Variants in EBF1 observed in about 807,000 individuals in gnomAD.
The protein encoded by EBF1 is EBF transcription factor 1.
A neutral mutation model predicts 68.4 loss-of-function variants in EBF1; 10 were observed. That is an observed-to-expected ratio of 0.15 (90% CI 0.09 to 0.25). EBF1 has a LOEUF of 0.25. Among genes scored for constraint, EBF1 ranks in the 10% least tolerant of loss-of-function variants. EBF1 has a pLI of 1.00. For synonymous variants in EBF1, 298 were observed against 299.8 expected, an observed-to-expected ratio of 0.99 and a Z score of 0.06; for missense variants, 509 against 794.4, an observed-to-expected ratio of 0.64 and a Z score of 4.32.
intron 10 of EBF1, among the ~76,000 whole-genome samples, chr5:158,776,367 C>A (rs1775251575): frequency 6.6e-6 from 1 of 151,956 alleles, no homozygotes; most frequent in African/African-American, 2.4e-5. Flanking sequence ...GGTTTTACTT[C>A]TAATATTGAA....
Position 158,840,109 on chromosome 5 carries a change from A to C in EBF1, c.556T>G (p.Phe186Val). The change falls in exon 7 of 16, where the codon TTC becomes GTC. Residue 186 changes from phenylalanine to valine, a missense_variant and splice_region_variant. This residue lies in a region of EBF1 where 230 missense variants were observed against 467.7 expected (regional missense o/e 0.49). Coordinates refer to ENST00000313708, the MANE Select transcript of EBF1 (RefSeq NM_024007.5). ...TPSDPVIIDR[F>V]FLKFFLKCNQ... ...CATTTGAGGAAAAATTTCAAGAAGA[A>C]CCTGTGAAGAAACAAATCATCATGG... 1 of 1,612,976 alleles carries C rather than the reference A, an allele frequency of 6.2e-7. No individual in the cohort carries two copies. The highest frequency in any genetic ancestry group is 1.1e-5 in the South Asian group (1 of 91,006).
intron 11 of EBF1, among the ~76,000 whole-genome samples, chr5:158,717,125 A>C (rs1424828459): frequency 1.3e-5 from 2 of 152,238 alleles, no homozygotes; most frequent in African/African-American, 4.8e-5. Context: ...AGAATGTTAA[A>C]ATGTATTGAT....
intron 6 of EBF1, among the ~76,000 whole-genome samples, chr5:159,055,943 G>T (rs896634208): frequency 6.6e-6 from 1 of 152,162 alleles, no homozygotes; most frequent in African/African-American, 2.4e-5. Context: ...TGGGTCCTTT[G>T]TTTCTCCTGT....
intron 6 of EBF1, chr5:158,986,502 A>G (rs1294747080): frequency 1.3e-5 from 2 of 152,250 alleles, no homozygotes; most frequent in African/African-American, 4.8e-5. Context: ...ATTGCTGGGC[A>G]GGCATGTGAG....
intron 6 of EBF1, among the ~76,000 whole-genome samples, chr5:158,902,274 C>T (rs1803564590): frequency 6.6e-6 from 1 of 152,110 alleles, no homozygotes; most frequent in African/African-American, 2.4e-5. Flanking sequence ...CACAACCACA[C>T]AATGCAATCA....
chr5:158,850,698 T>G (rs1200754658), intron 6 of EBF1, among the ~76,000 whole-genome samples: 2 of 152,198 alleles, frequency 1.3e-5, no homozygotes, highest in Admixed American at 6.5e-5. Flanking sequence ...CATGTGCAAT[T>G]GAAATTCAGC....
intron 6 of EBF1, among the ~76,000 whole-genome samples, chr5:159,051,666 G>T (rs1046695546): frequency 2.0e-5 from 3 of 151,892 alleles, no homozygotes; most frequent in African/African-American, 7.3e-5. Context: ...ACTGTAAGAA[G>T]TAATTCATGA....
chr5:158,918,504 C>CGAGACA (rs35418013), intron 6 of EBF1, among the ~76,000 whole-genome samples: 53,996 of 151,532 alleles, frequency 0.36, 11,419 homozygotes, highest in East Asian at 0.68. Flanking sequence ...ATTAGTGTTA[C>CGAGACA]GAGACAGAGA....
chr5:158,993,726 C>G (rs1389130004), intron 6 of EBF1, among the ~76,000 whole-genome samples: 1 of 152,196 alleles, frequency 6.6e-6, no homozygotes, highest in Non-Finnish European at 1.5e-5. Context: ...AAGATTATCA[C>G]TGCCAATCTC....
intron 6 of EBF1, among the ~76,000 whole-genome samples, chr5:158,866,722 T>C (rs1422702067): frequency 6.6e-6 from 1 of 151,308 alleles, no homozygotes; most frequent in East Asian, 1.9e-4. Context: ...CAAATGATGT[T>C]CTGGCCCACT....
intron 6 of EBF1, among the ~76,000 whole-genome samples, chr5:158,962,688 T>C (rs1272858091): frequency 1.3e-5 from 2 of 152,216 alleles, no homozygotes; most frequent in African/African-American, 2.4e-5. Context: ...CCCATATAGG[T>C]ACTTACAGTT....
intron 6 of EBF1, among the ~76,000 whole-genome samples, chr5:158,846,028 CAAGGCACACCT>C (rs1412489066): frequency 5.9e-5 from 9 of 152,192 alleles, no homozygotes; most frequent in Non-Finnish European, 4.4e-5. Context: ...GGAAATGCAT[CAAGGCACACCT>C]AAACTGAGAC....
chr5:158,888,420 A>G (rs1800472396), intron 6 of EBF1, among the ~76,000 whole-genome samples: 1 of 152,192 alleles, frequency 6.6e-6, no homozygotes, highest in African/African-American at 2.4e-5. Context: ...AAAGTTGTGT[A>G]CATTCATTCC....
intron 4 of EBF1, 117 bp downstream of exon 4, chr5:159,095,503 C>T (rs1273729072): frequency 4.1e-6 from 5 of 1,217,512 alleles, no homozygotes; most frequent in Non-Finnish European, 5.8e-6. Context: ...GTCTGAGCCG[C>T]CCCCGCTGGC....
chr5:158,923,028 T>C (rs1168457937), intron 6 of EBF1, among the ~76,000 whole-genome samples: 1 of 152,206 alleles, frequency 6.6e-6, no homozygotes, highest in Non-Finnish European at 1.5e-5. Context: ...GGTGGTCTAT[T>C]AGCAGGAGGG....
intron 10 of EBF1, among the ~76,000 whole-genome samples, chr5:158,755,451 T>C (rs951579114): frequency 1.3e-5 from 2 of 152,240 alleles, no homozygotes; most frequent in East Asian, 3.9e-4. Context: ...TCTGCACCTG[T>C]CTCCTATTTT....
intron 7 of EBF1, among the ~76,000 whole-genome samples, chr5:158,827,234 G>C (rs1186818348): frequency 2.0e-5 from 3 of 152,174 alleles, no homozygotes; most frequent in Admixed American, 6.5e-5. Flanking sequence ...TGACCGTAAA[G>C]AAGACCCAGC....
intron 10 of EBF1, among the ~76,000 whole-genome samples, chr5:158,753,257 A>G (rs1364872038): frequency 1.3e-5 from 2 of 152,132 alleles, no homozygotes; most frequent in African/African-American, 4.8e-5. Flanking sequence ...GTATAACAGG[A>G]AATCTGTTAA....
chr5:159,052,823 C>G (rs753635444), intron 6 of EBF1, among the ~76,000 whole-genome samples: 1 of 152,182 alleles, frequency 6.6e-6, no homozygotes, highest in Non-Finnish European at 1.5e-5. Flanking sequence ...GTTCCGTGTT[C>G]CTGCCCTTAG....
Sources: gnomAD v4.1 joint callset for allele counts (sites outside exome capture counted in the v4.1 genomes callset) on GRCh38, gnomAD v4.1.1 for gene constraint, gnomAD v4.1.1 regional missense constraint, MANE v1.5 for transcripts, NCBI Gene and HGNC (gene_info 2026-07-23, HGNC 2026-07-21) for gene names.